Variants in FRMPD4 observed in about 807,000 individuals in gnomAD.
FRMPD4 encodes FERM and PDZ domain-containing protein 4.
In FRMPD4, 22 loss-of-function variants were observed where a neutral mutation model predicts 94.1. The observed-to-expected ratio is 0.23, with a 90% CI of 0.17 to 0.33. The LOEUF (loss-of-function observed/expected upper bound fraction) is 0.33. Among genes scored for constraint, FRMPD4 ranks in the 10% least tolerant of loss-of-function variants. The pLI is 1.00. For missense variants in FRMPD4, 1,111 were observed against 1,339.9 expected, an observed-to-expected ratio of 0.83 and a Z score of 2.67; for synonymous variants, 631 against 548.6, an observed-to-expected ratio of 1.15 and a Z score of -2.10.
At chrX:12,097,770 G>A (rs1019858057) in intron 3 of FRMPD4, among the ~76,000 whole-genome samples, 1 of 112,419 alleles carries the variant, frequency 8.9e-6, no homozygotes, top group South Asian at 3.6e-4. Flanking sequence ...CTTTTGTATT[G>A]CTGAATGATA....
In FRMPD4 at chrX:12,708,593, A is replaced by G. The variant is rs1010362034; in HGVS notation, c.1470+942A>G. 4.5e-5 allele frequency among the ~76,000 whole-genome samples: 5 copies of G among 111,389 alleles called. No individual in the cohort carries two copies. The East Asian group carries it at 1.4e-3, about 31-fold the overall frequency. On this transcript the variant is annotated intron_variant, in intron 13 of 16. Coordinates refer to ENST00000675598, the MANE Select transcript of FRMPD4 (RefSeq NM_001368397.1). ...CTTCTTTTCCCAGTAGAGATGAGTT[A>G]TTGGATTTTGGCAATGGCAGTATTT...
rs375639687 is a variant in FRMPD4, at chrX:12,437,510, T to C, written c.42-61170T>C. Reference sequence around the variant, plus strand: ...TCCTAACTCCTGCTGTGCCCAGCTGTGGTCTTTCAGTGGCAAACCGTCTGA... The same window carrying C: ...TCCTAACTCCTGCTGTGCCCAGCTGCGGTCTTTCAGTGGCAAACCGTCTGA... On this transcript the variant is annotated intron_variant, in intron 1 of 16. Coordinates refer to ENST00000675598, the MANE Select transcript of FRMPD4 (RefSeq NM_001368397.1). Among the ~76,000 whole-genome samples, 14 of 111,043 alleles carry C rather than the reference T, an allele frequency of 1.3e-4. No individual in the cohort carries two copies. In the South Asian group the frequency reaches 2.7e-3, roughly 21 times the overall value.
chrX:12,061,584 A>G (rs1184816724), intron 3 of FRMPD4, among the ~76,000 whole-genome samples: 1 of 111,891 alleles, frequency 8.9e-6, no homozygotes, highest in Admixed American at 9.5e-5. Context: ...AATTTGGAGA[A>G]AAACACAAAG....
At chrX:12,222,950 T>C (rs933484002) in intron 1 of FRMPD4, among the ~76,000 whole-genome samples, 2 of 112,311 alleles carry the variant, frequency 1.8e-5, no homozygotes, top group Non-Finnish European at 3.7e-5. Context: ...AGTTGTTATG[T>C]ACATGTGCAT....
intron 1 of FRMPD4, among the ~76,000 whole-genome samples, chrX:12,252,285 A>G (rs1019178942): frequency 3.6e-5 from 4 of 111,604 alleles, no homozygotes; most frequent in African/African-American, 9.8e-5. Context: ...GCATCTAGCA[A>G]TCTGACATTT....
In FRMPD4 at chrX:12,621,978, GAAAGAAAGAAAGAA is replaced by G. The variant is rs1224289377; in HGVS notation, c.422+7099_422+7112del. 1.1e-4 allele frequency among the ~76,000 whole-genome samples: 3 copies of G among 27,978 alleles called. 1 individual carries two copies. The highest frequency in any genetic ancestry group is 5.8e-4 in the African/African-American group (3 of 5,198). 24.3% of individuals were successfully genotyped at this position (27,978 alleles called of 115,157 possible). ...AGAGAAAGAAAGAAAGAGAAAGAAAGAAAGAAAGAAAGAAAGAAAGAAAGAAAGAAAGAAAGAAA... is the reference window on the plus strand; with the variant it reads ...AGAGAAAGAAAGAAAGAGAAAGAAAGAGAAAGAAAGAAAGAAAGAAAGAAA... On this transcript the variant is annotated intron_variant, in intron 4 of 16. Coordinates refer to ENST00000675598, the MANE Select transcript of FRMPD4 (RefSeq NM_001368397.1).
intron 2 of FRMPD4, among the ~76,000 whole-genome samples, chrX:12,539,137 C>T (rs1282009138): frequency 8.9e-6 from 1 of 112,266 alleles, no homozygotes; most frequent in Non-Finnish European, 1.9e-5. Flanking sequence ...CTACATGACG[C>T]TTGCACAAGC....
intron 9 of FRMPD4, among the ~76,000 whole-genome samples, chrX:12,697,618 C>A (rs1487985423): frequency 8.9e-6 from 1 of 112,264 alleles, no homozygotes; most frequent in Non-Finnish European, 1.9e-5. Context: ...AAACCCAGTT[C>A]TGTTTAAGGT....
At chrX:12,209,296 T>C (rs965170159) in intron 1 of FRMPD4, among the ~76,000 whole-genome samples, 3 of 112,518 alleles carry the variant, frequency 2.7e-5, no homozygotes, top group Admixed American at 9.4e-5. Flanking sequence ...TTTAAAAGTA[T>C]GTTTTTGAGA....
At chrX:12,607,672 G>A (rs1391032489) in intron 2 of FRMPD4, among the ~76,000 whole-genome samples, 2 of 111,809 alleles carry the variant, frequency 1.8e-5, no homozygotes, top group Non-Finnish European at 3.8e-5. Context: ...GGAATGAGTG[G>A]GGTAAAACTG....
rs2056088026 is a variant in FRMPD4, at chrX:12,366,779, T to C, written c.42-131901T>C. 2.7e-5 allele frequency among the ~76,000 whole-genome samples: 3 copies of C among 111,895 alleles called. No homozygotes were observed. In the South Asian group the frequency reaches 1.1e-3, roughly 42 times the overall value. ...GCATGTGCATTGAAATAAATCTGCA[T>C]GGGGCTGTGGGGCATTGAGCAGGGG... On this transcript the variant is annotated intron_variant, in intron 1 of 16. Transcript: ENST00000675598.
intron 3 of FRMPD4, among the ~76,000 whole-genome samples, chrX:12,044,285 C>T (rs2062808833): frequency 1.8e-5 from 2 of 112,221 alleles, no homozygotes; most frequent in South Asian, 7.4e-4. Flanking sequence ...GATAAGCAAC[C>T]AGCTCGTTCT....
chrX:12,238,310 G>C (rs774860370), intron 1 of FRMPD4, among the ~76,000 whole-genome samples: 2 of 110,389 alleles, frequency 1.8e-5, no homozygotes, highest in Non-Finnish European at 3.8e-5. Context: ...TTTTAGTAGA[G>C]ATGGGGTTTC....
intron 2 of FRMPD4, among the ~76,000 whole-genome samples, chrX:12,559,021 T>G (rs1343001014): frequency 1.8e-5 from 2 of 112,481 alleles, no homozygotes; most frequent in Non-Finnish European, 3.7e-5. Flanking sequence ...ATCAGTTAAG[T>G]GTCAGACCTT....
intron 3 of FRMPD4, among the ~76,000 whole-genome samples, chrX:12,101,859 T>C (rs1253060555): frequency 4.5e-5 from 5 of 112,097 alleles, no homozygotes; most frequent in Non-Finnish European, 9.4e-5. Flanking sequence ...TGTGAGTGAA[T>C]AAATGTATGT....
At chrX:12,186,412 T>G (rs2056425134) in intron 1 of FRMPD4, among the ~76,000 whole-genome samples, 1 of 111,968 alleles carries the variant, frequency 8.9e-6, no homozygotes, top group African/African-American at 3.2e-5. Flanking sequence ...TTTTTAAGCA[T>G]AATTATTTAA....
chrX:12,110,878 T>A (rs2055354277), intron 3 of FRMPD4, among the ~76,000 whole-genome samples: 1 of 110,894 alleles, frequency 9.0e-6, no homozygotes. Flanking sequence ...GTGAAGGACC[T>A]CTTCAAGGAG....
intron 2 of FRMPD4, among the ~76,000 whole-genome samples, chrX:12,536,574 T>C (rs1602089602): frequency 2.7e-5 from 3 of 111,849 alleles, no homozygotes; most frequent in Admixed American, 1.9e-4. Flanking sequence ...TTGCTGCAAA[T>C]ATTAATAATA....
intron 1 of FRMPD4, among the ~76,000 whole-genome samples, chrX:12,196,057 A>G (rs980744781): frequency 8.0e-5 from 9 of 112,144 alleles, no homozygotes; most frequent in Non-Finnish European, 1.7e-4. Flanking sequence ...CTGTGGGTAT[A>G]ATTTGTAGAT....
Sources: gnomAD v4.1 joint callset for allele counts (sites outside exome capture counted in the v4.1 genomes callset) on GRCh38, gnomAD v4.1.1 for gene constraint, MANE v1.5 for transcripts, NCBI Gene and HGNC (gene_info 2026-07-23, HGNC 2026-07-21) for gene names.